Variants in CENPI observed in about 807,000 individuals in gnomAD.
The protein encoded by CENPI is centromere protein I.
CENPI carries 4 observed loss-of-function variants against 60.4 expected under a neutral mutation model. The ratio of observed to expected loss-of-function variants is 0.07; its 90% CI spans 0.03 to 0.15. CENPI has a LOEUF of 0.15. Ranked by LOEUF, CENPI falls within the 10% of genes least tolerant of loss-of-function variation. The pLI is 1.00. For synonymous variants in CENPI, 157 were observed against 189.4 expected, an observed-to-expected ratio of 0.83 and a Z score of 1.40; for missense variants, 444 against 534.5, an observed-to-expected ratio of 0.83 and a Z score of 1.67.
intron 20 of CENPI, among the ~76,000 whole-genome samples, chrX:101,154,808 T>A (rs2360004): frequency 0.14 from 15,148 of 111,157 alleles, 748 homozygotes; most frequent in Middle Eastern, 0.24. Flanking sequence ...TCCTAAGTAC[T>A]GTGTTTTTTG....
At chrX:101,132,566 G>A (rs1171511047) in intron 15 of CENPI, 110 bp downstream of exon 15, 9 of 651,929 alleles carry the variant, frequency 1.4e-5, no homozygotes, top group African/African-American at 2.2e-5. Context: ...GGATTTTCTT[G>A]GACCTGGGCT....
intron 4 of CENPI, 105 bp downstream of exon 4, chrX:101,102,516 C>CACACATACACACACAT (rs778560144): frequency 5.1e-6 from 1 of 196,773 alleles, no homozygotes; most frequent in Non-Finnish European, 8.8e-6. Context: ...CACACACACA[C>CACACATACACACACAT]ATATATATAT....
At chrX:101,151,754 A>T (rs1314336897) in intron 20 of CENPI, among the ~76,000 whole-genome samples, 1 of 107,094 alleles carries the variant, frequency 9.3e-6, no homozygotes, top group Non-Finnish European at 1.9e-5. Context: ...GAATCGCTTG[A>T]ACCCAGCAGG....
downstream of CENPI, among the ~76,000 whole-genome samples, chrX:101,166,494 G>T (rs1254232854): frequency 1.8e-5 from 2 of 112,591 alleles, no homozygotes. Flanking sequence ...ATATGGCAGT[G>T]CAAATAAGCC....
chrX:101,109,056 A>G (rs1416776282), intron 4 of CENPI, among the ~76,000 whole-genome samples: 1 of 105,721 alleles, frequency 9.5e-6, no homozygotes, highest in African/African-American at 3.4e-5. Flanking sequence ...ATTGCCTTCA[A>G]TATAACGTGA....
At chrX:101,162,731 G>C in intron 21 of CENPI, 102 bp from the exon 22 acceptor site, 1 of 909,873 alleles carries the variant, frequency 1.1e-6, no homozygotes, top group South Asian at 2.1e-5. Flanking sequence ...TTTGATATGT[G>C]CATGCGGGAT....
chrX:101,120,504 G>T, intron 7 of CENPI, 54 bp downstream of exon 7: 1 of 674,650 alleles, frequency 1.5e-6, no homozygotes, highest in Non-Finnish European at 2.3e-6. Flanking sequence ...CATTTGTATT[G>T]GCCTTTATAA....
chrX:101,148,627 C>A (rs2089981626), intron 20 of CENPI, among the ~76,000 whole-genome samples: 1 of 111,843 alleles, frequency 8.9e-6, no homozygotes, highest in African/African-American at 3.2e-5. Flanking sequence ...AATATGCAGG[C>A]AGGTGGAGGA....
In CENPI at chrX:101,102,301, A is replaced by T; in HGVS notation, c.254A>T (p.Asp85Val). ...KGPIKASQNK[D>V]KTLEKHLKTV... ...CCCATTAAAGCTTCACAGAATAAAGATAAAACCTTGGAAAAACACTTGAAA... is the reference window on the plus strand; with the variant it reads ...CCCATTAAAGCTTCACAGAATAAAGTTAAAACCTTGGAAAAACACTTGAAA... Residue 85 changes from aspartate (D) to valine (V), a missense_variant, in exon 4 of 22, where the codon GAT becomes GTT. Physicochemically the swap from Asp to Val is radical, Grantham distance 152. Coordinates refer to ENST00000682095, the MANE Select transcript of CENPI (RefSeq NM_001386188.2). 1 of 1,193,900 alleles carries T rather than the reference A, an allele frequency of 8.4e-7. No homozygotes were observed.
intron 6 of CENPI, among the ~76,000 whole-genome samples, chrX:101,118,319 T>C (rs1453207062): frequency 8.9e-6 from 1 of 112,101 alleles, no homozygotes; most frequent in East Asian, 2.8e-4. Context: ...TTCCATGTCC[T>C]GTGGTGCACA....
intron 8 of CENPI, among the ~76,000 whole-genome samples, chrX:101,125,687 C>T (rs781062609): frequency 1.6e-4 from 18 of 111,881 alleles, no homozygotes; most frequent in African/African-American, 5.2e-4. Flanking sequence ...CATGAGCTAC[C>T]GTGCCCAGCC....
At chrX:101,152,655 G>A (rs1338258788) in intron 20 of CENPI, among the ~76,000 whole-genome samples, 1 of 108,055 alleles carries the variant, frequency 9.3e-6, no homozygotes, top group Admixed American at 9.9e-5. Flanking sequence ...AATCTGCTTG[G>A]CCTCCCATAG....
rs977674475 is a variant in CENPI, at chrX:101,143,930, A to G, written c.1566-1134A>G. On this transcript the variant is annotated intron_variant, in intron 16 of 21. Transcript: ENST00000682095. Reference sequence around the variant, plus strand: ...TAGGTTTCCTTCAATCTGTGTTGCAATGTTACTAACAGTATAGGAAACGAT... The same window carrying G: ...TAGGTTTCCTTCAATCTGTGTTGCAGTGTTACTAACAGTATAGGAAACGAT... 8.0e-5 allele frequency among the ~76,000 whole-genome samples: 9 copies of G among 111,869 alleles called. No individual in the cohort carries two copies. In the South Asian group the frequency reaches 1.1e-3, roughly 14 times the overall value.
At chrX:101,120,312 C>G in intron 6 of CENPI, 90 bp from the exon 7 acceptor site, 1 of 419,847 alleles carries the variant, frequency 2.4e-6, no homozygotes. Flanking sequence ...TTTACTTAAT[C>G]AGCGTAAGAT....
At chrX:101,122,759 C>G (rs2089692696) in intron 8 of CENPI, among the ~76,000 whole-genome samples, 1 of 111,009 alleles carries the variant, frequency 9.0e-6, no homozygotes, top group Admixed American at 9.7e-5. Flanking sequence ...ACCTGCAATC[C>G]CAGCTACTTG....
the CENPI span, among the ~76,000 whole-genome samples, chrX:101,171,286 T>G: frequency 9.7e-6 from 1 of 103,193 alleles, no homozygotes; most frequent in African/African-American, 3.5e-5. Context: ...GTATAATAGT[T>G]GAAAAGATTA....
chrX:101,158,338 C>T (rs759726697), intron 20 of CENPI, among the ~76,000 whole-genome samples: 7 of 93,679 alleles, frequency 7.5e-5, no homozygotes, highest in Middle Eastern at 7.0e-3. Flanking sequence ...AGTGCAATGG[C>T]GCAATCTCCG....
At position 101,126,771 on chromosome X, in the gene CENPI, T is replaced by G. The variant is rs2089740433; in HGVS notation, c.750T>G (p.Ile250Met). Residue 250 changes from isoleucine (I) to methionine (M), a missense_variant, in exon 9 of 22, where the codon ATT becomes ATG. Transcript: ENST00000682095. ...ATAAGTTCTTTGCTCCTGCTCTGAT[T>G]TCAGTATCTTTGCCTGTAAGGAAGA... is the stretch of plus-strand genomic sequence containing the variant. Reference protein sequence around the residue: ...SLYKFFAPALISVSLPVRKKI... With the variant: ...SLYKFFAPALMSVSLPVRKKI... 1.7e-6 allele frequency: 2 copies of G among 1,201,090 alleles called. No homozygotes were observed. Among genetic ancestry groups the G allele is most frequent in the African/African-American group, 1.8e-5 (1 of 57,027 alleles).
chrX:101,165,538 A>G lies in CENPI; in HGVS notation c.*2571A>G, dbSNP rs1443365936. On this transcript the variant is annotated 3_prime_UTR_variant, in exon 22 of 22. Transcript: ENST00000682095. Reference sequence around the variant, plus strand: ...TTAGGTTGGAAATGCTGTGTAGGCAATTGGATATCCAAGTCTGGACTTCAG... The same window carrying G: ...TTAGGTTGGAAATGCTGTGTAGGCAGTTGGATATCCAAGTCTGGACTTCAG... 8.9e-6 allele frequency among the ~76,000 whole-genome samples: 1 copy of G among 112,104 alleles called. No homozygotes were observed. The highest frequency in any genetic ancestry group is 1.9e-5 in the Non-Finnish European group (1 of 53,215).
Sources: gnomAD v4.1 joint callset for allele counts (sites outside exome capture counted in the v4.1 genomes callset) on GRCh38, gnomAD v4.1.1 for gene constraint, MANE v1.5 for transcripts, NCBI Gene and HGNC (gene_info 2026-07-23, HGNC 2026-07-21) for gene names.